Variants in VPS13C observed in about 807,000 individuals in gnomAD.
VPS13C encodes the protein vacuolar protein sorting 13 homolog C.
Under a neutral mutation model 456.8 loss-of-function variants are expected in VPS13C, and 358 were observed. That is an observed-to-expected ratio of 0.78 (90% CI 0.72 to 0.86). The LOEUF is 0.86. Among genes scored for constraint, VPS13C ranks in the 40% least tolerant of loss-of-function variants. VPS13C has a pLI of 0.00. For synonymous variants in VPS13C, 1,578 were observed against 1,486.7 expected, an observed-to-expected ratio of 1.06 and a Z score of -1.41; for missense variants, 4,818 against 4,385.4, an observed-to-expected ratio of 1.10 and a Z score of -2.79.
chr15:61,962,137 C>G (rs1021353386), intron 34 of VPS13C, among the ~76,000 whole-genome samples: 4 of 152,004 alleles, frequency 2.6e-5, no homozygotes, highest in African/African-American at 9.7e-5. Context: ...AATTTTTATA[C>G]TAAAGAATCT....
intron 5 of VPS13C, among the ~76,000 whole-genome samples, chr15:62,029,220 G>A (rs1431127407): frequency 2.0e-5 from 3 of 152,058 alleles, no homozygotes; most frequent in Non-Finnish European, 2.9e-5. Flanking sequence ...TATATCAAAT[G>A]TGACTATTAA....
At chr15:62,000,893 TA>T (rs2046589127) in intron 15 of VPS13C, among the ~76,000 whole-genome samples, 1 of 152,154 alleles carries the variant, frequency 6.6e-6, no homozygotes, top group South Asian at 2.1e-4. Context: ...CACATAGACA[TA>T]AATGCACATG....
chr15:62,048,466 G>A (rs1021025497), intron 1 of VPS13C, among the ~76,000 whole-genome samples: 8 of 152,058 alleles, frequency 5.3e-5, no homozygotes, highest in African/African-American at 1.4e-4. Context: ...GTATTCCATG[G>A]TGTATATGTG....
intron 67 of VPS13C, among the ~76,000 whole-genome samples, chr15:61,886,983 C>T (rs1243343270): frequency 4.6e-5 from 7 of 152,138 alleles, no homozygotes; most frequent in African/African-American, 1.4e-4. Flanking sequence ...GATGCTTTCC[C>T]ACCAGGATTA....
chr15:61,992,937 C>T (rs2046270101), intron 16 of VPS13C, among the ~76,000 whole-genome samples: 1 of 151,772 alleles, frequency 6.6e-6, no homozygotes, highest in South Asian at 2.1e-4. Context: ...ACTGAGATGA[C>T]AACAAACTAG....
chr15:61,970,639 T>C (rs1362920547), intron 27 of VPS13C, among the ~76,000 whole-genome samples: 2 of 151,990 alleles, frequency 1.3e-5, no homozygotes. Flanking sequence ...CCACAAAAAA[T>C]GTAAAACATT....
chr15:62,046,040 T>A (rs1268018503), intron 1 of VPS13C, among the ~76,000 whole-genome samples: 2 of 152,176 alleles, frequency 1.3e-5, no homozygotes, highest in African/African-American at 4.8e-5. Flanking sequence ...TATTTCTATG[T>A]AATAAAGTTC....
rs953568224 is a variant in VPS13C, at chr15:61,927,131, C to A, written c.6476G>T (p.Cys2159Phe). ...CCCTCTCTTTTCTCTGAGAAAAGGG[C>A]AAGCGAGCACTTTCAGATCTCTCAC... Reference protein sequence around the residue: ...ASVRDLKVLACPFLREKRGKN... With the variant: ...ASVRDLKVLAFPFLREKRGKN... The change falls in exon 52 of 85, where the codon TGC (cysteine) becomes TTC (phenylalanine). Residue 2159 changes from cysteine to phenylalanine, a missense_variant. Physicochemically the swap from Cys to Phe is radical, Grantham distance 205. Coordinates refer to ENST00000644861, the MANE Select transcript of VPS13C (RefSeq NM_020821.3). The A allele has an allele frequency of 6.2e-7, 1 of 1,614,168 alleles. No homozygotes were observed. Among genetic ancestry groups the A allele is most frequent in the Middle Eastern group, 1.6e-4 (1 of 6,062 alleles).
chr15:61,920,483 A>T lies in VPS13C; in HGVS notation c.7212+15T>A. ...AAATTCCACTTGAAATATTCTAAGC[A>T]AGATTCAGACATACTTTTGCTAAAT... On this transcript the variant is annotated intron_variant, in intron 56 of 84. Coordinates refer to ENST00000644861, the MANE Select transcript of VPS13C (RefSeq NM_020821.3). 3 of 1,515,730 alleles carry T rather than the reference A, an allele frequency of 2.0e-6. No homozygotes were observed. The highest frequency in any genetic ancestry group is 2.6e-6 in the Non-Finnish European group (3 of 1,132,792). The allele number at this position is 1,515,730 out of a possible 1,614,324, so 93.9% of individuals were successfully genotyped here. A position where few individuals can be genotyped will look rare whatever the true frequency, so the allele number is the denominator to read the frequency against.
At position 61,949,474 on chromosome 15, in the gene VPS13C, C is replaced by G. The variant is rs112327934; in HGVS notation, c.4728G>C (p.Val1576=). 6.2e-6 allele frequency: 10 copies of G among 1,613,392 alleles called. No homozygotes were observed. In the African/African-American group the frequency reaches 6.7e-5, roughly 11 times the overall value. The change falls in exon 42 of 85, where the codon GTG becomes GTC. Residue 1576 remains valine (V), a synonymous_variant. Coordinates refer to ENST00000644861, the MANE Select transcript of VPS13C (RefSeq NM_020821.3). ...TGACAGCGATACTTCTGGACTCCCC[C>G]ACAAGTGGTTTCAGCTCGGATTCCT... ...SEKESELKPL[V]GESRSIAVKA...
chr15:61,977,779 T>A (rs1202964399), intron 23 of VPS13C, among the ~76,000 whole-genome samples: 2 of 152,078 alleles, frequency 1.3e-5, no homozygotes, highest in Non-Finnish European at 2.9e-5. Context: ...AAATCTTTTA[T>A]CACTTATAAT....
chr15:61,995,824 T>C (rs1218769269), intron 16 of VPS13C, among the ~76,000 whole-genome samples: 1 of 152,192 alleles, frequency 6.6e-6, no homozygotes, highest in Non-Finnish European at 1.5e-5. Context: ...AACCCATACC[T>C]AGACTCCAGA....
At chr15:61,983,778 T>G (rs767886464) in intron 20 of VPS13C, 42 bp downstream of exon 20, 2 of 1,581,506 alleles carry the variant, frequency 1.3e-6, no homozygotes, top group Non-Finnish European at 1.7e-6. Context: ...GTCAGAAGCA[T>G]AAGATGATTT....
intron 48 of VPS13C, 36 bp from the exon 49 acceptor site, chr15:61,934,367 C>G (rs771778150): frequency 1.0e-5 from 12 of 1,161,328 alleles, no homozygotes; most frequent in Non-Finnish European, 1.4e-5. Context: ...TAAGTAGGTA[C>G]GTAATTTTAT....
intron 15 of VPS13C, among the ~76,000 whole-genome samples, chr15:62,005,701 T>C (rs1158321757): frequency 6.6e-6 from 1 of 151,900 alleles, no homozygotes; most frequent in Admixed American, 6.6e-5. Context: ...TTATTTTTTA[T>C]TTTATTTTAT....
intron 37 of VPS13C, among the ~76,000 whole-genome samples, chr15:61,956,414 A>G (rs949360728): frequency 1.3e-5 from 2 of 152,102 alleles, no homozygotes; most frequent in Non-Finnish European, 2.9e-5. Flanking sequence ...TTTGTAGACA[A>G]AATCGCAGTG....
At chr15:61,869,412 A>C in intron 80 of VPS13C, 88 bp downstream of exon 80, 2 of 1,427,486 alleles carry the variant, frequency 1.4e-6, no homozygotes, top group Non-Finnish European at 1.9e-6. Flanking sequence ...GATCCTTAGG[A>C]GCAGGCAAAT....
chr15:61,978,772 A>T, intron 22 of VPS13C, 23 bp from the exon 23 acceptor site: 4 of 1,551,380 alleles, frequency 2.6e-6, no homozygotes, highest in South Asian at 1.2e-5. Context: ...ACAAATTTCA[A>T]TTTTTTTTTC....
At chr15:61,902,028 A>C (rs921945862) in intron 66 of VPS13C, among the ~76,000 whole-genome samples, 1 of 149,476 alleles carries the variant, frequency 6.7e-6, no homozygotes, top group Non-Finnish European at 1.5e-5. Context: ...AACCAAACAC[A>C]GCATATTCTC....
Sources: allele counts gnomAD v4.1 joint callset (sites outside exome capture counted in the v4.1 genomes callset), GRCh38; gene constraint gnomAD v4.1.1; transcripts MANE v1.5; gene names NCBI Gene and HGNC (gene_info 2026-07-23, HGNC 2026-07-21).